GRIN2B: variants seen among roughly 807,000 people sequenced by gnomAD.
GRIN2B encodes glutamate ionotropic receptor NMDA type subunit 2B.
Under a neutral mutation model 114.5 loss-of-function variants are expected in GRIN2B, and 5 were observed. That is an observed-to-expected ratio of 0.04 (90% CI 0.02 to 0.09). The LOEUF (loss-of-function observed/expected upper bound fraction) is 0.09, where lower values mean the gene tolerates loss of function less well. GRIN2B is among the 10% of genes least tolerant of loss of function. The pLI is 1.00. For synonymous variants in GRIN2B, 787 were observed against 745.1 expected (o/e 1.06, Z -0.92); for missense variants, 1,108 against 1,943.5 (o/e 0.57, Z 8.08).
At chr12:13,623,177 T>C (rs865797416) in intron 5 of GRIN2B, among the ~76,000 whole-genome samples, 6 of 152,370 alleles carry the variant, frequency 3.9e-5, no homozygotes, top group Middle Eastern at 3.4e-3. Flanking sequence ...ATCTAACTTC[T>C]TTTAAGAACT....
At chr12:13,770,511 C>A (rs1178419295) in intron 3 of GRIN2B, among the ~76,000 whole-genome samples, 1 of 152,148 alleles carries the variant, frequency 6.6e-6, no homozygotes, top group Non-Finnish European at 1.5e-5. Flanking sequence ...ATAGGCTTCA[C>A]AGAAATTTGG....
At chr12:13,940,496 C>T (rs1867223848) in intron 2 of GRIN2B, among the ~76,000 whole-genome samples, 1 of 151,860 alleles carries the variant, frequency 6.6e-6, no homozygotes, top group East Asian at 2.0e-4. Context: ...CTCCAAACTA[C>T]CAAAATGACG....
chr12:13,700,286 G>T (rs1287613856), intron 4 of GRIN2B, among the ~76,000 whole-genome samples: 1 of 152,000 alleles, frequency 6.6e-6, no homozygotes, highest in East Asian at 1.9e-4. Flanking sequence ...ATGTAATTTC[G>T]CTAACTGTGG....
chr12:13,584,994 T>C (rs976822934), intron 10 of GRIN2B, among the ~76,000 whole-genome samples: 1 of 152,154 alleles, frequency 6.6e-6, no homozygotes, highest in African/African-American at 2.4e-5. Context: ...CTGTGGGTGC[T>C]AGCAAAGAGA....
intron 2 of GRIN2B, among the ~76,000 whole-genome samples, chr12:13,887,233 G>A (rs912736287): frequency 1.3e-5 from 2 of 152,204 alleles, no homozygotes; most frequent in African/African-American, 4.8e-5. Flanking sequence ...AAAAAGCACA[G>A]ATGTGAATAA....
At chr12:13,879,659 G>A (rs1786603480) in intron 2 of GRIN2B, among the ~76,000 whole-genome samples, 1 of 152,158 alleles carries the variant, frequency 6.6e-6, no homozygotes, top group Non-Finnish European at 1.5e-5. Flanking sequence ...TCTTGACCCT[G>A]CTAGAATAGC....
At chr12:13,797,829 C>T (rs549641056) in intron 3 of GRIN2B, among the ~76,000 whole-genome samples, 5 of 152,326 alleles carry the variant, frequency 3.3e-5, no homozygotes, top group East Asian at 3.9e-4. Context: ...TTCTCCCTCA[C>T]GAAAGCACAG....
chr12:13,670,415 G>A (rs917286157), intron 5 of GRIN2B: 1 of 152,076 alleles, frequency 6.6e-6, no homozygotes, highest in Non-Finnish European at 1.5e-5. Flanking sequence ...TCCCTTTAAG[G>A]TCTGTTTACA....
rs532435483 is a variant in GRIN2B at position 13,937,106 on chromosome 12, G to GAA, written c.-19+42820_-19+42821dup. On this transcript the variant is annotated intron_variant, in intron 2 of 13. Coordinates refer to ENST00000609686, the MANE Select transcript of GRIN2B (RefSeq NM_000834.5). ...AAATAAAAAAAAAAAAGGGGGGGGG[G>GAA]AAGATTGAAGAAAAATGAAAGAGCT... Among the ~76,000 whole-genome samples, 116 of 141,390 alleles carry GAA rather than the reference G, an allele frequency of 8.2e-4. 1 individual carries two copies. Among genetic ancestry groups the GAA allele is most frequent in the East Asian group, 2.8e-3 (14 of 5,036 alleles). The allele number at this position is 141,390 out of a possible 152,430, so 92.8% of individuals were successfully genotyped here.
intron 3 of GRIN2B, among the ~76,000 whole-genome samples, chr12:13,824,677 A>C (rs950564966): frequency 6.6e-6 from 1 of 151,940 alleles, no homozygotes; most frequent in East Asian, 1.9e-4. Flanking sequence ...ACATGGTGAA[A>C]CCCCGTCTCT....
At chr12:13,835,367 C>A (rs1235982954) in intron 3 of GRIN2B, among the ~76,000 whole-genome samples, 1 of 152,200 alleles carries the variant, frequency 6.6e-6, no homozygotes, top group Non-Finnish European at 1.5e-5. Flanking sequence ...ATCTTGTGAG[C>A]ATCCCCTAAA....
chr12:13,973,481 T>C (rs1022326453), intron 2 of GRIN2B, among the ~76,000 whole-genome samples: 8 of 152,188 alleles, frequency 5.3e-5, no homozygotes, highest in Non-Finnish European at 4.4e-5. Flanking sequence ...CCCATCAAGC[T>C]GGGCTCCAAG....
intron 4 of GRIN2B, among the ~76,000 whole-genome samples, chr12:13,687,752 T>A (rs1950184164): frequency 6.6e-6 from 1 of 152,218 alleles, no homozygotes; most frequent in Non-Finnish European, 1.5e-5. Context: ...AGCTGGCTGC[T>A]CTTAGGCACT....
chr12:13,892,070 G>T (rs780497326), intron 2 of GRIN2B, among the ~76,000 whole-genome samples: 1 of 152,102 alleles, frequency 6.6e-6, no homozygotes, highest in Non-Finnish European at 1.5e-5. Context: ...AATCATACTT[G>T]CCCAGGATTC....
rs2136483379 is a variant in GRIN2B, at chr12:13,617,953, A to G, written c.1126-1296T>C. On this transcript the variant is annotated intron_variant, in intron 5 of 13. Transcript: ENST00000609686. ...ATAATGCAGGCAGTGGCTTGGTGGC[A>G]TAGGCTATCTTATTTGGTACCTACA... is the stretch of plus-strand genomic sequence containing the variant. 2.0e-5 allele frequency among the ~76,000 whole-genome samples: 3 copies of G among 152,310 alleles called. No homozygotes were observed. The South Asian group carries it at 6.2e-4, about 32-fold the overall frequency.
intron 2 of GRIN2B, among the ~76,000 whole-genome samples, chr12:13,976,169 C>T (rs75608271): frequency 6.6e-6 from 1 of 152,216 alleles, no homozygotes; most frequent in East Asian, 1.9e-4. Flanking sequence ...TAGCTTTGGC[C>T]TCCTTCTGGA....
chr12:13,856,025 A>G (rs1865654990), intron 3 of GRIN2B, among the ~76,000 whole-genome samples: 1 of 152,256 alleles, frequency 6.6e-6, no homozygotes, highest in African/African-American at 2.4e-5. Flanking sequence ...ACAGGTTACA[A>G]TAAAAGCACG....
intron 3 of GRIN2B, among the ~76,000 whole-genome samples, chr12:13,813,018 C>T (rs1431270124): frequency 6.8e-6 from 1 of 147,280 alleles, no homozygotes; most frequent in Non-Finnish European, 1.5e-5. Flanking sequence ...CGGCTCACTA[C>T]AACCTCCGCC....
chr12:13,962,496 T>G (rs752370604), intron 2 of GRIN2B, among the ~76,000 whole-genome samples: 2 of 152,180 alleles, frequency 1.3e-5, no homozygotes, highest in Non-Finnish European at 2.9e-5. Context: ...GTACTACAAA[T>G]AACCTAAAAC....
Sources: gnomAD v4.1 joint callset for allele counts (sites outside exome capture counted in the v4.1 genomes callset) on GRCh38, gnomAD v4.1.1 for gene constraint, MANE v1.5 for transcripts, NCBI Gene and HGNC (gene_info 2026-07-23, HGNC 2026-07-21) for gene names.